TMPRSS11F: variants seen among roughly 807,000 people sequenced by gnomAD.
TMPRSS11F encodes transmembrane protease serine 11F.
A neutral mutation model predicts 60.2 loss-of-function variants in TMPRSS11F; 47 were observed. The observed-to-expected ratio is 0.78, with a 90% confidence interval of 0.62 to 1.00. The LOEUF (loss-of-function observed/expected upper bound fraction) is 1.00. Among genes scored for constraint, TMPRSS11F ranks in the 50% least tolerant of loss-of-function variants. The pLI is 0.00. For synonymous variants in TMPRSS11F, 166 were observed against 167.3 expected (o/e 0.99, Z 0.06); for missense variants, 519 against 522.9 (o/e 0.99, Z 0.07).
Position 68,082,743 on chromosome 4 carries a change from C to T in TMPRSS11F, c.282+7780G>A, listed in dbSNP as rs72853396. Among the ~76,000 whole-genome samples the T allele has an allele frequency of 5.2e-3, 794 of 152,350 alleles. 9 individuals carry two copies. Among genetic ancestry groups the T allele is most frequent in the African/African-American group, 0.016 (682 of 41,574 alleles). The stretch of plus-strand genomic sequence containing the variant: ...GCCAAGCTGAGATCTGTGGCTGGTG[C>T]TGCAGCAGGGGAAGAGCCCCCACTC... On this transcript the variant is annotated intron_variant, in intron 3 of 9. Transcript: ENST00000356291.
intron 2 of TMPRSS11F, among the ~76,000 whole-genome samples, chr4:68,091,781 CTCTATCTATCTA>C (rs200246480): frequency 1.9e-4 from 23 of 118,692 alleles, no homozygotes; most frequent in Non-Finnish European, 1.4e-4. Context: ...CTCTCTCTCT[CTCTATCTATCTA>C]TCTATCTTTT....
chr4:68,116,714 ACAAGGGTAC>A (rs1057273643), intron 1 of TMPRSS11F, among the ~76,000 whole-genome samples: 43 of 152,334 alleles, frequency 2.8e-4, no homozygotes, highest in African/African-American at 9.9e-4. Flanking sequence ...CTGATATTTG[ACAAGGGTAC>A]CAAGAATACA....
intron 3 of TMPRSS11F, among the ~76,000 whole-genome samples, chr4:68,076,935 C>T (rs1453855240): frequency 6.6e-6 from 1 of 152,162 alleles, no homozygotes; most frequent in Non-Finnish European, 1.5e-5. Flanking sequence ...TGCAAGTGTA[C>T]ACACACTGGC....
At chr4:68,088,123 T>A (rs1723853930) in intron 3 of TMPRSS11F, among the ~76,000 whole-genome samples, 2 of 151,892 alleles carry the variant, frequency 1.3e-5, no homozygotes, top group Non-Finnish European at 1.5e-5. Context: ...TCAAGACCCA[T>A]CAGTGTGATG....
intron 1 of TMPRSS11F, among the ~76,000 whole-genome samples, chr4:68,115,705 A>G (rs1441192693): frequency 6.6e-6 from 1 of 152,228 alleles, no homozygotes. Context: ...AAATCAAACT[A>G]TTTCCATATA....
At chr4:68,107,319 G>T (rs1330683021) in intron 1 of TMPRSS11F, among the ~76,000 whole-genome samples, 2 of 152,082 alleles carry the variant, frequency 1.3e-5, no homozygotes, top group Non-Finnish European at 2.9e-5. Flanking sequence ...GATAGTTTGT[G>T]CAATAAACAA....
intron 1 of TMPRSS11F, among the ~76,000 whole-genome samples, chr4:68,128,760 T>C (rs1441388196): frequency 6.6e-6 from 1 of 152,134 alleles, no homozygotes; most frequent in East Asian, 1.9e-4. Context: ...AAATAAGAAA[T>C]ATACTTTGTT....
chr4:68,120,154 C>T (rs182937504), intron 1 of TMPRSS11F, among the ~76,000 whole-genome samples: 88 of 152,214 alleles, frequency 5.8e-4, no homozygotes, highest in African/African-American at 2.0e-3. Flanking sequence ...TGAAGAGTTG[C>T]TTCTTATGGA....
In TMPRSS11F at chr4:68,094,549, T is replaced by C. The variant is rs186785966; in HGVS notation, c.164-3908A>G. Reference sequence around the variant, plus strand: ...ATGTACCCTAAAACTTAAAGTATAATAATAATAAATAAATAAATTTAAAAA... The same window carrying C: ...ATGTACCCTAAAACTTAAAGTATAACAATAATAAATAAATAAATTTAAAAA... On this transcript the variant is annotated intron_variant, in intron 2 of 9. Transcript: ENST00000356291. Among the ~76,000 whole-genome samples, 215 of 145,330 alleles carry C rather than the reference T, an allele frequency of 1.5e-3. 2 individuals are homozygous for C. The highest frequency in any genetic ancestry group is 5.2e-3 in the African/African-American group (208 of 40,338).
chr4:68,053,806 A>C lies in TMPRSS11F; in HGVS notation c.*103T>G. The C allele has an allele frequency of 8.1e-7, 1 of 1,232,278 alleles. No homozygotes were observed. Among genetic ancestry groups the C allele is most frequent in the South Asian group, 1.6e-5 (1 of 62,862 alleles). 76.3% of individuals were successfully genotyped at this position (1,232,278 alleles called of 1,614,324 possible). A position where few individuals can be genotyped will look rare whatever the true frequency, so the allele number is the denominator to read the frequency against. ...GTCTGGGTCTGAAGGGCTTCTTGAC[A>C]TCTAGCAAAAGCACTAATCCAAAGT... On this transcript the variant is annotated 3_prime_UTR_variant, in exon 10 of 10. Transcript: ENST00000356291.
chr4:68,083,962 T>C (rs1265068283), intron 3 of TMPRSS11F, among the ~76,000 whole-genome samples: 1 of 152,130 alleles, frequency 6.6e-6, no homozygotes, highest in Non-Finnish European at 1.5e-5. Context: ...AAAGATGACA[T>C]AGCCACTTTA....
At chr4:68,055,937 A>G (rs1414191117) in intron 9 of TMPRSS11F, among the ~76,000 whole-genome samples, 2 of 152,228 alleles carry the variant, frequency 1.3e-5, no homozygotes, top group East Asian at 3.8e-4. Flanking sequence ...TAACAAAACG[A>G]AGGCTAAAAA....
chr4:68,120,904 T>A (rs920592287), intron 1 of TMPRSS11F, among the ~76,000 whole-genome samples: 4 of 152,224 alleles, frequency 2.6e-5, no homozygotes, highest in Non-Finnish European at 4.4e-5. Context: ...TTCATTAAGG[T>A]ATGTGCCTCT....
chr4:68,128,631 A>G (rs1407844319), intron 1 of TMPRSS11F, among the ~76,000 whole-genome samples: 1 of 152,020 alleles, frequency 6.6e-6, no homozygotes, highest in Non-Finnish European at 1.5e-5. Flanking sequence ...GAATAAGAGA[A>G]CTCCAAATTT....
intron 3 of TMPRSS11F, among the ~76,000 whole-genome samples, chr4:68,082,710 T>C (rs537704571): frequency 6.6e-6 from 1 of 152,284 alleles, no homozygotes; most frequent in South Asian, 2.1e-4. Context: ...AGCACATAGT[T>C]CAGGAGTGCC....
Position 68,064,962 on chromosome 4 carries a change from G to A in TMPRSS11F, c.756-18C>T, listed in dbSNP as rs530499193. 10 of 1,599,722 alleles carry A rather than the reference G, an allele frequency of 6.3e-6. No homozygotes were observed. In the African/African-American group the frequency reaches 1.2e-4, roughly 19 times the overall value. ...CTTTATTTCTGCAAAAAATTAAAAA[G>A]TAATACTTGTGATGCTTGACTTAAT... On this transcript the variant is annotated intron_variant, in intron 7 of 9. Transcript: ENST00000356291.
At chr4:68,062,342 C>T (rs558565440) in intron 8 of TMPRSS11F, 3 of 465,494 alleles carry the variant, frequency 6.4e-6, no homozygotes, top group Non-Finnish European at 1.3e-5. Flanking sequence ...TCTCAGTTTC[C>T]CAAACAAGCT....
chr4:68,072,025 C>G (rs1329087084), intron 5 of TMPRSS11F, among the ~76,000 whole-genome samples: 1 of 150,972 alleles, frequency 6.6e-6, no homozygotes, highest in African/African-American at 2.4e-5. Flanking sequence ...TGTAAAATGG[C>G]GAAAGTAATA....
At chr4:68,083,115 C>A (rs1423688734) in intron 3 of TMPRSS11F, among the ~76,000 whole-genome samples, 1 of 152,200 alleles carries the variant, frequency 6.6e-6, no homozygotes, top group Non-Finnish European at 1.5e-5. Context: ...TGCCCAGAGA[C>A]CCCTCACCCT....
Sources: allele counts gnomAD v4.1 joint callset (sites outside exome capture counted in the v4.1 genomes callset), GRCh38; gene constraint gnomAD v4.1.1; transcripts MANE v1.5; gene names NCBI Gene and HGNC (gene_info 2026-07-23, HGNC 2026-07-21).